Variants in ATP2B2 observed in about 807,000 individuals in gnomAD.
The protein encoded by ATP2B2 is plasma membrane calcium-transporting ATPase 2.
In ATP2B2, 15 loss-of-function variants were observed where a neutral mutation model predicts 120.0. The ratio of observed to expected loss-of-function variants is 0.12; its 90% CI spans 0.08 to 0.19. The LOEUF is 0.19. Among genes scored for constraint, ATP2B2 ranks in the 10% least tolerant of loss-of-function variants. ATP2B2 has a pLI of 1.00. For missense variants in ATP2B2, 1,045 were observed against 1,719.8 expected (o/e 0.61, Z 6.94); for synonymous variants, 694 against 700.3 (o/e 0.99, Z 0.14).
At position 10,415,257 on chromosome 3, in the gene ATP2B2, T is replaced by C. The variant is rs1012360136; in HGVS notation, c.200-4442A>G. ...ACGATGTCTCACGTAAGGAGTGTAG[T>C]GCTGTGCCTGGCACCGGGTAGATGT... is the stretch of plus-strand genomic sequence containing the variant. On this transcript the variant is annotated intron_variant, in intron 2 of 22. Transcript: ENST00000360273. Among the ~76,000 whole-genome samples, 10 of 152,208 alleles carry C rather than the reference T, an allele frequency of 6.6e-5. 1 individual carries two copies. The highest frequency in any genetic ancestry group is 2.4e-4 in the African/African-American group (10 of 41,446).
In ATP2B2 at chr3:10,374,837, T is replaced by C. The variant is rs151292918; in HGVS notation, c.1416+593A>G. On this transcript the variant is annotated intron_variant, in intron 11 of 22. Coordinates refer to ENST00000360273, the MANE Select transcript of ATP2B2 (RefSeq NM_001001331.4). The stretch of plus-strand genomic sequence containing the variant: ...CATTTAACTGCTTTAAAATTTCTTA[T>C]ATTTTTAGCCTCTTTCCCAAGGGGA... Among the ~76,000 whole-genome samples the C allele has an allele frequency of 2.0e-4, 31 of 152,340 alleles. No homozygotes were observed. The East Asian group carries it at 4.2e-3, about 21-fold the overall frequency.
intron 8 of ATP2B2, among the ~76,000 whole-genome samples, chr3:10,381,234 T>C (rs1368314815): frequency 1.3e-5 from 2 of 152,240 alleles, no homozygotes; most frequent in Non-Finnish European, 2.9e-5. Context: ...AGACCCCCTG[T>C]GTCTCTACTG....
chr3:10,398,270 C>T (rs769076550), intron 5 of ATP2B2, among the ~76,000 whole-genome samples: 1 of 152,186 alleles, frequency 6.6e-6, no homozygotes, highest in Non-Finnish European at 1.5e-5. Flanking sequence ...TCCAGGTTCC[C>T]GCATGCCCCT....
chr3:10,530,481 C>T (rs2067188609), intron 3 of ATP2B2, among the ~76,000 whole-genome samples: 1 of 152,306 alleles, frequency 6.6e-6, no homozygotes, highest in East Asian at 1.9e-4. Context: ...TGCGACAGCT[C>T]CCTGGCTCTG....
intron 2 of ATP2B2, chr3:10,534,230 C>A (rs181870442): frequency 6.6e-6 from 1 of 152,454 alleles, no homozygotes; most frequent in Non-Finnish European, 1.5e-5. Flanking sequence ...TGTGGAGTGT[C>A]CCCGATGTGC....
In ATP2B2 at chr3:10,519,922, G is replaced by A. The variant is rs568173012; in HGVS notation, c.-320+14117C>T. On this transcript the variant is annotated intron_variant, in intron 3 of 21. Coordinates refer to the ATP2B2 transcript ENST00000646379. ...GGCAGGACTGGGATCGAATGCAGGGGTTTTTCTCACATCATACAACTGCTA... is the reference window on the plus strand; with the variant it reads ...GGCAGGACTGGGATCGAATGCAGGGATTTTTCTCACATCATACAACTGCTA... 1.4e-3 allele frequency among the ~76,000 whole-genome samples: 219 copies of A among 152,316 alleles called. 1 individual carries two copies. The highest frequency in any genetic ancestry group is 5.1e-3 in the African/African-American group (210 of 41,576).
chr3:10,396,339 C>T (rs1277346605), intron 5 of ATP2B2, among the ~76,000 whole-genome samples: 1 of 152,264 alleles, frequency 6.6e-6, no homozygotes, highest in Non-Finnish European at 1.5e-5. Context: ...GACACAGAGG[C>T]TCAGAGAGGT....
chr3:10,327,151 C>A lies in ATP2B2; in HGVS notation c.*1663G>T, dbSNP rs2059871729. 3.8e-6 allele frequency: 1 copy of A among 261,544 alleles called. No homozygotes were observed. Among genetic ancestry groups the A allele is most frequent in the Non-Finnish European group, 7.1e-6 (1 of 140,002 alleles). 16.2% of individuals were successfully genotyped at this position (261,544 alleles called of 1,614,324 possible). A position where few individuals can be genotyped will look rare whatever the true frequency, so the allele number is the denominator to read the frequency against. ...GAAAAACGCTGAGACCCACAAAGTGCTTAGCAGTTAAGAGGCTGACATCCA... is the reference window on the plus strand; with the variant it reads ...GAAAAACGCTGAGACCCACAAAGTGATTAGCAGTTAAGAGGCTGACATCCA... On this transcript the variant is annotated 3_prime_UTR_variant, in exon 23 of 23. Transcript: ENST00000360273.
At chr3:10,594,542 G>A (rs1415456553) in intron 2 of ATP2B2, among the ~76,000 whole-genome samples, 5 of 143,380 alleles carry the variant, frequency 3.5e-5, no homozygotes, top group African/African-American at 1.3e-4. Flanking sequence ...ACAGGAAGGG[G>A]GACATCACAC....
chr3:10,397,682 T>C (rs2062084555), intron 5 of ATP2B2, among the ~76,000 whole-genome samples: 1 of 151,986 alleles, frequency 6.6e-6, no homozygotes, highest in South Asian at 2.1e-4. Context: ...GGTGGATCAG[T>C]AGATGGTGGG....
rs1447805872 is a variant in ATP2B2 at position 10,328,336 on chromosome 3, T to G, written c.*478A>C. 1.2e-5 allele frequency: 2 copies of G among 165,758 alleles called. No homozygotes were observed. The highest frequency in any genetic ancestry group is 4.8e-5 in the African/African-American group (2 of 41,568). The allele number at this position is 165,758 out of a possible 1,614,324, so 10.3% of individuals were successfully genotyped here. A position where few individuals can be genotyped will look rare whatever the true frequency, so the allele number is the denominator to read the frequency against. On this transcript the variant is annotated 3_prime_UTR_variant, in exon 23 of 23. Coordinates refer to ENST00000360273, the MANE Select transcript of ATP2B2 (RefSeq NM_001001331.4). ...AACTGAGACCATGCTGTGCAAGCAT[T>G]TCAAAAACTCACAGACCAGTGGATT...
At position 10,621,401 on chromosome 3, in the gene ATP2B2, C is replaced by T. The variant is rs552178118; in HGVS notation, c.-459-1440G>A. Among the ~76,000 whole-genome samples, 41 of 152,350 alleles carry T rather than the reference C, an allele frequency of 2.7e-4. No individual in the cohort carries two copies. The East Asian group carries it at 7.3e-3, about 27-fold the overall frequency. ...CGCCCCAAATCTTTTCTGGGAAAAA[C>T]ACGAGCCCGACAAGAGGCAGCCAAA... is the stretch of plus-strand genomic sequence containing the variant. On this transcript the variant is annotated intron_variant, in intron 1 of 21. Coordinates refer to the ATP2B2 transcript ENST00000646379.
At chr3:10,392,840 T>C (rs1304503865) in intron 5 of ATP2B2, among the ~76,000 whole-genome samples, 1 of 152,228 alleles carries the variant, frequency 6.6e-6, no homozygotes, top group Non-Finnish European at 1.5e-5. Flanking sequence ...GGGAGCTGGC[T>C]TAGGCCCCAT....
intron 2 of ATP2B2, among the ~76,000 whole-genome samples, chr3:10,443,822 T>C (rs1042948485): frequency 2.6e-5 from 4 of 152,216 alleles, no homozygotes; most frequent in Admixed American, 2.6e-4. Context: ...TAGATTCTTC[T>C]GTAAAAGCAC....
At chr3:10,644,418 AG>A (rs1252887397) in intron 1 of ATP2B2, among the ~76,000 whole-genome samples, 1 of 152,218 alleles carries the variant, frequency 6.6e-6, no homozygotes, top group Admixed American at 6.5e-5. Context: ...GGTATATGCC[AG>A]AAAGAATTGA....
intron 1 of ATP2B2, among the ~76,000 whole-genome samples, chr3:10,702,497 C>A (rs917205630): frequency 6.6e-6 from 1 of 152,160 alleles, no homozygotes; most frequent in Admixed American, 6.5e-5. Context: ...CACAGCGACA[C>A]AATTAGAAAG....
Position 10,552,127 on chromosome 3 carries a change from G to A in ATP2B2, c.-414-17994C>T, listed in dbSNP as rs117208313. On this transcript the variant is annotated intron_variant, in intron 2 of 21. Coordinates refer to the ATP2B2 transcript ENST00000646379. ...CGCCTGTGGCAGCATTTCTGCAGCC[G>A]GAGAGGGAACACCCTTCCCACGGCC... Among the ~76,000 whole-genome samples, 34 of 152,318 alleles carry A rather than the reference G, an allele frequency of 2.2e-4. No homozygotes were observed. The East Asian group carries it at 6.2e-3, about 28-fold the overall frequency.
chr3:10,371,189 C>T (rs1406897857), intron 12 of ATP2B2, among the ~76,000 whole-genome samples: 3 of 152,322 alleles, frequency 2.0e-5, no homozygotes, highest in African/African-American at 4.8e-5. Context: ...GATAACGTGG[C>T]GGTTCAGGCC....
intron 2 of ATP2B2, among the ~76,000 whole-genome samples, chr3:10,596,587 C>A (rs2068769327): frequency 1.3e-5 from 2 of 152,208 alleles, no homozygotes; most frequent in Admixed American, 6.5e-5. Flanking sequence ...AACGGTTAAG[C>A]ATCACTTTAG....
Sources: gnomAD v4.1 joint callset for allele counts (sites outside exome capture counted in the v4.1 genomes callset) on GRCh38, gnomAD v4.1.1 for gene constraint, MANE v1.5 for transcripts, NCBI Gene and HGNC (gene_info 2026-07-23, HGNC 2026-07-21) for gene names.